The following VEGFC variants were observed in gnomAD, a reference collection of about 807,000 sequenced individuals.
VEGFC encodes vascular endothelial growth factor C, also known as FLT4 ligand DHM.
In VEGFC, 12 loss-of-function variants were observed where a neutral mutation model predicts 46.1. The observed-to-expected ratio is 0.26, with a 90% CI of 0.17 to 0.42. The LOEUF is 0.42. VEGFC is among the 10% of genes least tolerant of loss of function. The probability of loss-of-function intolerance (pLI) is 1.00; values close to 1 mark genes in which losing one functional copy is unlikely to be tolerated. For missense variants in VEGFC, 488 were observed against 529.4 expected (o/e 0.92, Z 0.77); for synonymous variants, 232 against 195.5 (o/e 1.19, Z -1.56).
In VEGFC at chr4:176,715,478, G is replaced by A. The variant is rs186788078; in HGVS notation, c.553-3828C>T. 5.3e-3 allele frequency among the ~76,000 whole-genome samples: 814 copies of A among 152,220 alleles called. 7 individuals are homozygous for A. The highest frequency in any genetic ancestry group is 8.2e-3 in the Admixed American group (126 of 15,278). On this transcript the variant is annotated intron_variant, in intron 3 of 6. Transcript: ENST00000618562. ...TACTGGGAATATGCCATCTGGGTAT[G>A]TATTAAGATATAATTGTACCTATAC...
At position 176,792,063 on chromosome 4, in the gene VEGFC, C is replaced by G. The variant is rs189704393; in HGVS notation, c.147+102G>C. ...TCAGTAACTTTGGATCCCACGTACA[C>G]AAGCTTAAAGCACACACACTTTCCC... On this transcript the variant is annotated intron_variant, in intron 1 of 6. Coordinates refer to ENST00000618562, the MANE Select transcript of VEGFC (RefSeq NM_005429.5). The surrounding 1 kb of genome is among the most constrained non-coding windows in gnomAD (Gnocchi z 6.3). The G allele has an allele frequency of 2.5e-4, 341 of 1,348,130 alleles. No individual in the cohort carries two copies. The African/African-American group carries it at 3.7e-3, about 15-fold the overall frequency. The allele number at this position is 1,348,130 out of a possible 1,614,324, so 83.5% of individuals were successfully genotyped here.
chr4:176,720,646 C>G (rs1056164643), intron 3 of VEGFC, among the ~76,000 whole-genome samples: 1 of 151,766 alleles, frequency 6.6e-6, no homozygotes, highest in Non-Finnish European at 1.5e-5. Context: ...TCTAGACCAG[C>G]CTGGCTAACA....
At chr4:176,746,148 A>G (rs1014017882) in intron 1 of VEGFC, among the ~76,000 whole-genome samples, 5 of 152,040 alleles carry the variant, frequency 3.3e-5, no homozygotes, top group Non-Finnish European at 7.4e-5. Context: ...TTCAAAAATG[A>G]GACAAGCAAG....
intron 3 of VEGFC, among the ~76,000 whole-genome samples, chr4:176,714,532 T>G (rs1247470386): frequency 6.6e-6 from 1 of 152,242 alleles, no homozygotes; most frequent in African/African-American, 2.4e-5. Flanking sequence ...ACAGCAGGAT[T>G]TGGCATTGTC....
At position 176,727,886 on chromosome 4, in the gene VEGFC, T is replaced by C. The variant is rs1579109060; in HGVS notation, c.444A>G (p.Thr148=). Reference sequence around the variant, plus strand: ...CACATGGAGGTTTAAAGAAGGTGTTTGTCGCGACTCCAAACTCCTTCCCCA... The same window carrying C: ...CACATGGAGGTTTAAAGAAGGTGTTCGTCGCGACTCCAAACTCCTTCCCCA... The part of the protein sequence containing the change: ...IDVGKEFGVA[T]NTFFKPPCVS... Residue 148 remains threonine (T), a synonymous_variant, in exon 3 of 7, where the codon ACA becomes ACG. Coordinates refer to ENST00000618562, the MANE Select transcript of VEGFC (RefSeq NM_005429.5). 1.9e-6 allele frequency: 3 copies of C among 1,613,980 alleles called. No individual in the cohort carries two copies. The highest frequency in any genetic ancestry group is 1.3e-5 in the African/African-American group (1 of 75,016).
At chr4:176,745,658 T>C (rs1182956842) in intron 1 of VEGFC, among the ~76,000 whole-genome samples, 3 of 152,076 alleles carry the variant, frequency 2.0e-5, no homozygotes, top group African/African-American at 7.2e-5. Context: ...GGGTCTGTCC[T>C]GAGAAGATCA....
intron 4 of VEGFC, among the ~76,000 whole-genome samples, chr4:176,694,310 A>T (rs1472342670): frequency 6.6e-6 from 1 of 152,106 alleles, no homozygotes; most frequent in East Asian, 1.9e-4. Context: ...GGAAAACAAA[A>T]AAAGGCAGGG....
At chr4:176,727,643 C>G in intron 3 of VEGFC, 135 bp downstream of exon 3, 2 of 704,346 alleles carry the variant, frequency 2.8e-6, no homozygotes, top group South Asian at 6.6e-5. Context: ...TGACTTCATT[C>G]CCCTAAAGAA....
intron 3 of VEGFC, among the ~76,000 whole-genome samples, chr4:176,717,669 A>G (rs563052664): frequency 1.3e-5 from 2 of 152,200 alleles, no homozygotes; most frequent in South Asian, 4.1e-4. Context: ...CCTAAATATA[A>G]CCAGTTTCTC....
intron 1 of VEGFC, among the ~76,000 whole-genome samples, chr4:176,773,022 T>C (rs1735748483): frequency 6.6e-6 from 1 of 152,238 alleles, no homozygotes; most frequent in African/African-American, 2.4e-5. Context: ...ATGTATTTTC[T>C]TTATCGGCTT....
At chr4:176,772,517 C>G (rs915178206) in intron 1 of VEGFC, among the ~76,000 whole-genome samples, 1 of 152,166 alleles carries the variant, frequency 6.6e-6, no homozygotes, top group African/African-American at 2.4e-5. Flanking sequence ...GAAAACAAAT[C>G]TAGAAAGTAC....
At chr4:176,779,079 T>C (rs1226760984) in intron 1 of VEGFC, among the ~76,000 whole-genome samples, 1 of 152,202 alleles carries the variant, frequency 6.6e-6, no homozygotes, top group East Asian at 1.9e-4. Flanking sequence ...GTCTATGTAC[T>C]AAGTTTTTCA....
At chr4:176,700,094 A>G (rs1734400003) in intron 4 of VEGFC, among the ~76,000 whole-genome samples, 1 of 152,246 alleles carries the variant, frequency 6.6e-6, no homozygotes. Flanking sequence ...AATGTTTGAA[A>G]GGCTAATACA....
At chr4:176,726,751 T>A (rs1450153858) in intron 3 of VEGFC, among the ~76,000 whole-genome samples, 1 of 152,234 alleles carries the variant, frequency 6.6e-6, no homozygotes, top group African/African-American at 2.4e-5. Context: ...GTAGGTTTTA[T>A]TACTGAAAAC....
intron 1 of VEGFC, among the ~76,000 whole-genome samples, chr4:176,775,596 T>C (rs1048583932): frequency 6.6e-5 from 10 of 152,192 alleles, no homozygotes; most frequent in Non-Finnish European, 1.5e-5. Context: ...TGTATTGTAT[T>C]TCCAGCTGTT....
chr4:176,719,233 T>A (rs1290420505), intron 3 of VEGFC, among the ~76,000 whole-genome samples: 1 of 152,198 alleles, frequency 6.6e-6, no homozygotes, highest in Non-Finnish European at 1.5e-5. Flanking sequence ...GTCCTTACAA[T>A]TTACATCATG....
At chr4:176,767,840 G>T (rs1356611290) in intron 1 of VEGFC, among the ~76,000 whole-genome samples, 3 of 152,144 alleles carry the variant, frequency 2.0e-5, no homozygotes, top group African/African-American at 7.2e-5. Flanking sequence ...GGGAGGTGAA[G>T]ATAAGAACCA....
At position 176,704,524 on chromosome 4, in the gene VEGFC, G is replaced by A. The variant is rs74548209; in HGVS notation, c.704+6975C>T. ...CCCATATGCGGTTCCCAAGTCATAT[G>A]CTTTCTTGTATTTCAAACGTCTTTT... On this transcript the variant is annotated intron_variant, in intron 4 of 6. Transcript: ENST00000618562. Among the ~76,000 whole-genome samples the A allele has an allele frequency of 7.0e-3, 1,072 of 152,182 alleles. 19 individuals carry two copies. Among genetic ancestry groups the A allele is most frequent in the African/African-American group, 0.025 (1,020 of 41,536 alleles).
intron 4 of VEGFC, among the ~76,000 whole-genome samples, chr4:176,697,986 G>A (rs1734353494): frequency 6.6e-6 from 1 of 151,870 alleles, no homozygotes; most frequent in Non-Finnish European, 1.5e-5. Context: ...GGACTGTTGT[G>A]GGGTGGAGGG....
Sources: gnomAD v4.1 joint callset for allele counts (sites outside exome capture counted in the v4.1 genomes callset) on GRCh38, gnomAD v4.1.1 for gene constraint, Gnocchi (gnomAD v3.1) non-coding constraint, MANE v1.5 for transcripts, NCBI Gene and HGNC (gene_info 2026-07-23, HGNC 2026-07-21) for gene names.